The following CNIH3 variants were observed in gnomAD, a reference collection of about 807,000 sequenced individuals.
CNIH3 encodes cornichon family AMPA receptor auxiliary protein 3.
A neutral mutation model predicts 24.1 loss-of-function variants in CNIH3; 14 were observed. That is an observed-to-expected ratio of 0.58 (90% CI 0.38 to 0.91). The LOEUF (loss-of-function observed/expected upper bound fraction) is 0.91. Ranked by LOEUF, CNIH3 falls within the 40% of genes least tolerant of loss-of-function variation. The probability of loss-of-function intolerance (pLI) is 0.00; values close to 1 mark genes in which losing one functional copy is unlikely to be tolerated. For missense variants in CNIH3, 178 were observed against 196.8 expected (o/e 0.90, Z 0.57); for synonymous variants, 68 against 73.8 (o/e 0.92, Z 0.40).
intron 4 of CNIH3, chr1:224,574,868 G>T: frequency 1.0e-6 from 1 of 986,868 alleles, no homozygotes; most frequent in Non-Finnish European, 1.6e-6. Context: ...ACACATGGGC[G>T]GGCATGGAAG....
At chr1:224,561,503 C>T (rs552636935) in intron 3 of CNIH3, among the ~76,000 whole-genome samples, 74 of 152,298 alleles carry the variant, frequency 4.9e-4, no homozygotes, top group Middle Eastern at 3.4e-3. Context: ...CACACTTTCC[C>T]TGAGCTGCGT....
intron 1 of CNIH3, among the ~76,000 whole-genome samples, chr1:224,637,481 C>T (rs903807903): frequency 4.0e-5 from 6 of 148,252 alleles, no homozygotes; most frequent in East Asian, 2.0e-4. Flanking sequence ...TCTGAGTTGG[C>T]GGGGTCACCC....
intron 1 of CNIH3, among the ~76,000 whole-genome samples, chr1:224,466,265 G>A (rs1187813631): frequency 6.6e-6 from 1 of 152,006 alleles, no homozygotes; most frequent in Non-Finnish European, 1.5e-5. Flanking sequence ...TTTCTCCCCA[G>A]TCCATAACCC....
intron 3 of CNIH3, among the ~76,000 whole-genome samples, chr1:224,692,532 C>T (rs530855160): frequency 2.6e-5 from 4 of 152,100 alleles, no homozygotes; most frequent in South Asian, 2.1e-4. Flanking sequence ...CCATCCTTGA[C>T]GCAGAAGTTT....
At chr1:224,691,673 C>A (rs1232440834) in intron 3 of CNIH3, among the ~76,000 whole-genome samples, 1 of 152,182 alleles carries the variant, frequency 6.6e-6, no homozygotes, top group Non-Finnish European at 1.5e-5. Flanking sequence ...TGTTACATAA[C>A]ATTCTCATGG....
intron 3 of CNIH3, among the ~76,000 whole-genome samples, chr1:224,718,243 A>G (rs1688531792): frequency 6.6e-6 from 1 of 151,792 alleles, no homozygotes. Context: ...TGAGGAGGTG[A>G]CCTTGAGTAG....
At chr1:224,445,006 A>G (rs1392141695) in intron 1 of CNIH3, among the ~76,000 whole-genome samples, 3 of 151,250 alleles carry the variant, frequency 2.0e-5, no homozygotes, top group East Asian at 3.9e-4. Context: ...GAGTATATAC[A>G]TCCTTAATTG....
At chr1:224,661,507 C>T in intron 1 of CNIH3, 1 of 298,118 alleles carries the variant, frequency 3.4e-6, no homozygotes, top group Admixed American at 3.8e-5. Context: ...CCCTTGGGGA[C>T]CCCTTTGATT....
At chr1:224,670,565 A>C (rs942862763) in intron 1 of CNIH3, among the ~76,000 whole-genome samples, 1 of 152,186 alleles carries the variant, frequency 6.6e-6, no homozygotes, top group Admixed American at 6.5e-5. Context: ...TGAGAGTGCC[A>C]GGACAGGTCC....
intron 3 of CNIH3, among the ~76,000 whole-genome samples, chr1:224,598,980 G>T (rs1306368621): frequency 5.3e-5 from 8 of 152,076 alleles, no homozygotes; most frequent in Admixed American, 5.2e-4. Flanking sequence ...GGGGAATAAA[G>T]AACTTTTGCA....
intron 2 of CNIH3, among the ~76,000 whole-genome samples, chr1:224,545,276 G>A (rs16849419): frequency 0.021 from 3,208 of 152,250 alleles, 114 homozygotes; most frequent in African/African-American, 0.073. Context: ...CCAATGAACG[G>A]CTTCAAACAG....
chr1:224,734,843 GTC>G, intron 5 of CNIH3, 137 bp downstream of exon 5: 2 of 876,256 alleles, frequency 2.3e-6, no homozygotes, highest in Non-Finnish European at 3.6e-6. Context: ...AGTCCCAGCT[GTC>G]TGACTCTGGC....
At chr1:224,521,102 G>T (rs1383537815) in exon 2 of CNIH3, 1 of 152,074 alleles carries the variant, frequency 6.6e-6, no homozygotes, top group Non-Finnish European at 1.5e-5. Flanking sequence ...ACAGCAAGTG[G>T]GCTGTCTGTA....
At chr1:224,672,974 A>T (rs1685943221) in intron 1 of CNIH3, among the ~76,000 whole-genome samples, 1 of 152,208 alleles carries the variant, frequency 6.6e-6, no homozygotes, top group Non-Finnish European at 1.5e-5. Context: ...AGAGGGGTTA[A>T]CCCAAATCTG....
intron 1 of CNIH3, among the ~76,000 whole-genome samples, chr1:224,449,520 G>A (rs1227785918): frequency 6.6e-6 from 1 of 151,542 alleles, no homozygotes; most frequent in Admixed American, 6.6e-5. Flanking sequence ...CCAAGAGAGG[G>A]GGTCTTGCCG....
At position 224,739,373 on chromosome 1, in the gene CNIH3, A is replaced by T; in HGVS notation, c.*17A>T. On this transcript the variant is annotated 3_prime_UTR_variant, in exon 6 of 6. Coordinates refer to ENST00000272133, the MANE Select transcript of CNIH3 (RefSeq NM_152495.2). The stretch of plus-strand genomic sequence containing the variant: ...AGCTCTTAACGCAAAGACCATGCAC[A>T]TCATCAGAGACTGAGATGGGAGAGG... 3 of 1,594,666 alleles carry T rather than the reference A, an allele frequency of 1.9e-6. No individual in the cohort carries two copies. Among genetic ancestry groups the T allele is most frequent in the Non-Finnish European group, 8.5e-7 (1 of 1,176,280 alleles).
chr1:224,643,296 G>A lies in CNIH3; in HGVS notation c.81+26041G>A, dbSNP rs149110628. On this transcript the variant is annotated intron_variant, in intron 1 of 5. Transcript: ENST00000272133. ...ATGTAGAATGAGAAATTACACTCCA[G>A]TACGGTGGTTTCTGTGTCTACAGTG... 4.4e-3 allele frequency among the ~76,000 whole-genome samples: 674 copies of A among 152,346 alleles called. 7 individuals are homozygous for A. The highest frequency in any genetic ancestry group is 0.015 in the African/African-American group (626 of 41,576).
At chr1:224,552,158 A>T (rs1343157465) in intron 3 of CNIH3, among the ~76,000 whole-genome samples, 1 of 151,546 alleles carries the variant, frequency 6.6e-6, no homozygotes, top group Non-Finnish European at 1.5e-5. Context: ...CACAGGGTGT[A>T]TACCCCCTGT....
intron 4 of CNIH3, among the ~76,000 whole-genome samples, chr1:224,732,848 C>T (rs2164460): frequency 1 from 151,570 of 152,264 alleles, 75,444 homozygotes; most frequent in Non-Finnish European, 1. Context: ...GGAGGGGCTG[C>T]AATCTCCTTG....
Sources: allele counts gnomAD v4.1 joint callset (sites outside exome capture counted in the v4.1 genomes callset), GRCh38; gene constraint gnomAD v4.1.1; transcripts MANE v1.5; gene names NCBI Gene and HGNC (gene_info 2026-07-23, HGNC 2026-07-21).